ZNF280C: variants seen among roughly 807,000 people sequenced by gnomAD.
The protein encoded by ZNF280C is zinc finger protein 280C, also known as suppressor of hairy wing homolog 3.
In ZNF280C, 14 loss-of-function variants were observed where a neutral mutation model predicts 53.6. That is an observed-to-expected ratio of 0.26 (90% CI 0.17 to 0.41). The LOEUF is 0.41. ZNF280C is among the 10% of genes least tolerant of loss of function. The pLI is 1.00. For synonymous variants in ZNF280C, 203 were observed against 181.1 expected, an observed-to-expected ratio of 1.12 and a Z score of -0.97; for missense variants, 416 against 547.1, an observed-to-expected ratio of 0.76 and a Z score of 2.39.
In ZNF280C at chrX:130,229,097, T is replaced by C. The variant is rs1322682682; in HGVS notation, c.1027A>G (p.Lys343Glu). The C allele has an allele frequency of 8.3e-7, 1 of 1,206,310 alleles. No homozygotes were observed. The highest frequency in any genetic ancestry group is 1.1e-6 in the Non-Finnish European group (1 of 893,407). The change falls in exon 10 of 19, where the codon AAG (lysine) becomes GAG (glutamate). Residue 343 changes from lysine (K) to glutamate (E), a missense_variant. Physicochemically the swap from Lys to Glu is moderately conservative, Grantham distance 56 (BLOSUM62 1). This residue lies in a region of ZNF280C where 72 missense variants were observed against 168.8 expected (regional missense o/e 0.43). Transcript: ENST00000370978. ...TTTTCCCAGCTTTCATTGTTCTGCT[T>C]CTCAAGTTCCAAGTGATGTTTCATG... Reference protein sequence around the residue: ...NHMKHHLELEKQNNESWENHT... With the variant: ...NHMKHHLELEEQNNESWENHT...
At chrX:130,210,775 A>G in intron 15 of ZNF280C, among the ~76,000 whole-genome samples, 2 of 112,650 alleles carry the variant, frequency 1.8e-5, no homozygotes, top group Middle Eastern at 9.2e-3. Flanking sequence ...CTTTAAAATG[A>G]TAAGGAAAGC....
At chrX:130,221,708 C>A (rs183864589) in intron 12 of ZNF280C, among the ~76,000 whole-genome samples, 276 of 111,618 alleles carry the variant, frequency 2.5e-3, no homozygotes, top group Non-Finnish European at 3.9e-3. Flanking sequence ...TATAATCTTT[C>A]AATTTCTCAT....
chrX:130,241,969 C>G (rs1158672730), intron 5 of ZNF280C, among the ~76,000 whole-genome samples: 1 of 93,656 alleles, frequency 1.1e-5, no homozygotes, highest in Non-Finnish European at 2.0e-5. Flanking sequence ...GGCGTGGTGG[C>G]TCACGTCTGT....
At chrX:130,219,730 C>G (rs1402564367) in intron 13 of ZNF280C, among the ~76,000 whole-genome samples, 1 of 109,322 alleles carries the variant, frequency 9.1e-6, no homozygotes, top group African/African-American at 3.3e-5. Context: ...AATTCCTGAT[C>G]TTAAATATCT....
At chrX:130,207,949 T>C (rs927757240) in intron 16 of ZNF280C, among the ~76,000 whole-genome samples, 9 of 111,597 alleles carry the variant, frequency 8.1e-5, no homozygotes, top group Admixed American at 2.9e-4. Flanking sequence ...CTTTAATAAA[T>C]TGTACATTCC....
At chrX:130,220,280 TAAAAA>T in intron 13 of ZNF280C, 64 bp downstream of exon 13, 8 of 907,192 alleles carry the variant, frequency 8.8e-6, no homozygotes, top group Non-Finnish European at 1.0e-5. Flanking sequence ...CTATCCATAA[TAAAAA>T]AAAAAACATA....
rs755943720 is a variant in ZNF280C at position 130,243,532 on chromosome X, GAATT to G, written c.381+27_381+30del. ...GTATTATAATAGCCAATGTGTCCCT[GAATT>G]AATTGTGTAATTTTATAAACACTTA... On this transcript the variant is annotated intron_variant, in intron 5 of 18. Transcript: ENST00000370978. The G allele has an allele frequency of 1.4e-5, 17 of 1,187,390 alleles. No homozygotes were observed. In the East Asian group the frequency reaches 1.5e-4, roughly 10 times the overall value.
chrX:130,203,406 C>T lies in ZNF280C; in HGVS notation c.*1571G>A, dbSNP rs2031935091. On this transcript the variant is annotated 3_prime_UTR_variant, in exon 19 of 19. Coordinates refer to ENST00000370978, the MANE Select transcript of ZNF280C (RefSeq NM_017666.5). ...GTGCAGTGGCTCACACCTGTAATCC[C>T]AGCACTTTGGGAGGACGAGGCGGAC... 1.8e-5 allele frequency: 2 copies of T among 111,750 alleles called. No homozygotes were observed. The highest frequency in any genetic ancestry group is 6.5e-5 in the African/African-American group (2 of 30,745). 9.2% of individuals were successfully genotyped at this position (111,750 alleles called of 1,213,427 possible). A position where few individuals can be genotyped will look rare whatever the true frequency, so the allele number is the denominator to read the frequency against.
intron 8 of ZNF280C, 133 bp from the exon 9 acceptor site, chrX:130,230,860 C>CAAAATTGT (rs747294123): frequency 1.9e-3 from 692 of 357,587 alleles, no homozygotes; most frequent in Non-Finnish European, 2.8e-3. Flanking sequence ...AGATACTGAC[C>CAAAATTGT]AAAATTGTGG....
At chrX:130,255,826 G>A (rs575542979) in intron 2 of ZNF280C, among the ~76,000 whole-genome samples, 7 of 111,602 alleles carry the variant, frequency 6.3e-5, no homozygotes, top group East Asian at 5.7e-4. Context: ...ATGGTGGTGC[G>A]CACCTGTAAT....
chrX:130,260,280 T>C, intron 2 of ZNF280C, 139 bp downstream of exon 2: 1 of 353,227 alleles, frequency 2.8e-6, no homozygotes, highest in African/African-American at 2.7e-5. Flanking sequence ...AGACTCTGTC[T>C]CAAAAAAATA....
chrX:130,221,230 T>C (rs1158054167), intron 12 of ZNF280C, among the ~76,000 whole-genome samples: 1 of 111,714 alleles, frequency 9.0e-6, no homozygotes, highest in African/African-American at 3.2e-5. Flanking sequence ...GATCATACCA[T>C]AGGTACAGTA....
At chrX:130,211,925 T>C (rs971717451) in intron 15 of ZNF280C, among the ~76,000 whole-genome samples, 1 of 111,871 alleles carries the variant, frequency 8.9e-6, no homozygotes, top group Non-Finnish European at 1.9e-5. Flanking sequence ...AAAGCCTCAC[T>C]AGGGCAGCCA....
At chrX:130,215,092 T>C (rs2124698425) in intron 15 of ZNF280C, 101 bp downstream of exon 15, 1 of 927,529 alleles carries the variant, frequency 1.1e-6, no homozygotes, top group Non-Finnish European at 1.5e-6. Context: ...CCCTTTTAGT[T>C]CCTTGATGAG....
intron 12 of ZNF280C, 98 bp downstream of exon 12, chrX:130,226,661 C>T (rs1378747714): frequency 3.6e-5 from 31 of 870,633 alleles, no homozygotes; most frequent in Non-Finnish European, 4.3e-5. Flanking sequence ...CAATGTTCTA[C>T]GTTATAGATA....
chrX:130,246,631 T>G (rs2032453361), intron 3 of ZNF280C, among the ~76,000 whole-genome samples: 1 of 111,945 alleles, frequency 8.9e-6, no homozygotes, highest in South Asian at 3.7e-4. Flanking sequence ...TCAATTAACT[T>G]AGTTATTTCC....
chrX:130,229,910 A>G (rs963788011), intron 9 of ZNF280C, among the ~76,000 whole-genome samples: 1 of 112,418 alleles, frequency 8.9e-6, no homozygotes, highest in East Asian at 2.8e-4. Context: ...TTCAATGTAA[A>G]CAACAGTTTT....
rs375528832 is a variant in ZNF280C, at chrX:130,205,367, G to A, written c.2091C>T (p.Ser697=). The A allele has an allele frequency of 1.3e-5, 16 of 1,204,854 alleles. No individual in the cohort carries two copies. The highest frequency in any genetic ancestry group is 1.2e-4 in the South Asian group (7 of 56,029). ...CLKCDFLADS[S]GLDRMAKHLS... is the part of the protein sequence containing the mutation. ...AGTGTTTAGCCATACGATCTAAGCC[G>A]GAAGAATCAGCTAGGAAATCACATT... is the stretch of plus-strand genomic sequence containing the variant. Residue 697 remains serine (S), a synonymous_variant, in exon 17 of 19, where the codon TCC becomes TCT. Transcript: ENST00000370978.
At position 130,215,935 on chromosome X, in the gene ZNF280C, A is replaced by G; in HGVS notation, c.1694T>C (p.Leu565Pro). 1 of 1,211,420 alleles carries G rather than the reference A, an allele frequency of 8.3e-7. No homozygotes were observed. The highest frequency in any genetic ancestry group is 1.1e-6 in the Non-Finnish European group (1 of 895,419). Residue 565 changes from leucine to proline, a missense_variant, in exon 14 of 19, where the codon CTT becomes CCT. Physicochemically the swap from Leu to Pro is moderately conservative, Grantham distance 98. Around this residue, in one of 3 missense-constraint regions of ZNF280C, gnomAD observed 151 missense variants for 176.9 expected, o/e 0.85. Transcript: ENST00000370978. ...ACTTGCAGTGGATGTAGTTGCATGA[A>G]GCTTACTTGTCTTAGATCTACTGGC... ...SNASRSKTSK[L>P]HATTSTASKV...
Sources: allele counts gnomAD v4.1 joint callset (sites outside exome capture counted in the v4.1 genomes callset), GRCh38; gene constraint gnomAD v4.1.1; regional missense constraint gnomAD v4.1.1; transcripts MANE v1.5; gene names NCBI Gene and HGNC (gene_info 2026-07-23, HGNC 2026-07-21).